Variants in PLCE1 observed in about 807,000 individuals in gnomAD.
The protein encoded by PLCE1 is 1-phosphatidylinositol 4,5-bisphosphate phosphodiesterase epsilon-1.
A neutral mutation model predicts 242.8 loss-of-function variants in PLCE1; 119 were observed. That is an observed-to-expected ratio of 0.49 (90% CI 0.42 to 0.57). The LOEUF (loss-of-function observed/expected upper bound fraction) is 0.57. Ranked by LOEUF, PLCE1 falls within the 20% of genes least tolerant of loss-of-function variation. The pLI, the probability that PLCE1 is intolerant of heterozygous loss-of-function variation, is 0.00. For synonymous variants in PLCE1, 945 were observed against 1,017.4 expected, an observed-to-expected ratio of 0.93 and a Z score of 1.35; for missense variants, 2,441 against 2,788.8, an observed-to-expected ratio of 0.88 and a Z score of 2.81.
intron 23 of PLCE1, among the ~76,000 whole-genome samples, chr10:94,295,404 T>C (rs2052778677): frequency 6.6e-6 from 1 of 152,198 alleles, no homozygotes; most frequent in Non-Finnish European, 1.5e-5. Flanking sequence ...TCCTCATCCA[T>C]TCAAGTTTTA....
intron 31 of PLCE1, 115 bp downstream of exon 31, chr10:94,324,682 G>GAGTT: frequency 9.7e-7 from 1 of 1,028,130 alleles, no homozygotes; most frequent in Non-Finnish European, 1.5e-6. Flanking sequence ...TCAAGGAATG[G>GAGTT]AGTTAGGAGA....
Position 94,298,817 on chromosome 10 carries a change from T to C in PLCE1, c.5458+148T>C. 1.2e-6 allele frequency: 1 copy of C among 849,998 alleles called. No homozygotes were observed. Among genetic ancestry groups the C allele is most frequent in the Non-Finnish European group, 1.9e-6 (1 of 514,602 alleles). The allele number at this position is 849,998 out of a possible 1,614,324, so 52.7% of individuals were successfully genotyped here. Reference sequence around the variant, plus strand: ...TATGATGATGGAAAACAGAAGTGAATTTGATACTGAATTGTGCCTCCGATG... The same window carrying C: ...TATGATGATGGAAAACAGAAGTGAACTTGATACTGAATTGTGCCTCCGATG... On this transcript the variant is annotated intron_variant, in intron 24 of 32. Transcript: ENST00000371380. This position sits in a 1 kb window ranked among gnomAD's most constrained non-coding sequence, Gnocchi z 5.2.
intron 1 of PLCE1, among the ~76,000 whole-genome samples, chr10:94,023,075 G>T (rs1357733817): frequency 2.6e-5 from 4 of 152,138 alleles, no homozygotes; most frequent in Non-Finnish European, 5.9e-5. Context: ...GTGGTGGAAG[G>T]TAGGAAGAGC....
At position 94,042,049 on chromosome 10, in the gene PLCE1, A is replaced by G. The variant is rs542898352; in HGVS notation, c.1206+9797A>G. ...GTCAGGCACTGTGTCTATAATTTGC[A>G]TATAGTAATTTAACAAATTATAAAT... On this transcript the variant is annotated intron_variant, in intron 2 of 32. Transcript: ENST00000371380. 1.1e-3 allele frequency among the ~76,000 whole-genome samples: 166 copies of G among 152,292 alleles called. 1 individual carries two copies. Among genetic ancestry groups the G allele is most frequent in the South Asian group, 9.9e-3 (48 of 4,830 alleles).
At chr10:94,160,380 C>A (rs1444894455) in intron 3 of PLCE1, among the ~76,000 whole-genome samples, 1 of 152,188 alleles carries the variant, frequency 6.6e-6, no homozygotes, top group African/African-American at 2.4e-5. Context: ...TGATGATGAG[C>A]ATTTTTTCAT....
At chr10:94,116,113 T>G (rs566583997) in intron 2 of PLCE1, among the ~76,000 whole-genome samples, 16 of 152,122 alleles carry the variant, frequency 1.1e-4, no homozygotes, top group Non-Finnish European at 2.2e-4. Context: ...CCTTCCTCTC[T>G]CCATCCTTTT....
At chr10:94,094,163 G>A (rs1047481238) in intron 2 of PLCE1, among the ~76,000 whole-genome samples, 3 of 150,984 alleles carry the variant, frequency 2.0e-5, no homozygotes, top group Non-Finnish European at 2.9e-5. Flanking sequence ...GGATGGTCTC[G>A]ATCTCCTGAC....
chr10:94,213,881 G>T (rs954642703), intron 4 of PLCE1, among the ~76,000 whole-genome samples: 2 of 151,946 alleles, frequency 1.3e-5, no homozygotes, highest in Non-Finnish European at 1.5e-5. Context: ...CATATTTATC[G>T]TCCCTTTTAT....
intron 20 of PLCE1, chr10:94,280,759 A>G (rs2052179055): frequency 1.3e-5 from 2 of 152,138 alleles, no homozygotes; most frequent in African/African-American, 4.8e-5. Context: ...CAGACCAGAA[A>G]CCATTTACCA....
intron 1 of PLCE1, among the ~76,000 whole-genome samples, chr10:94,010,317 T>C (rs1020257245): frequency 6.6e-6 from 1 of 152,226 alleles, no homozygotes; most frequent in African/African-American, 2.4e-5. Flanking sequence ...GTCTGGCCTC[T>C]GAAACCATTC....
intron 2 of PLCE1, chr10:94,105,201 C>T (rs1423232835): frequency 6.6e-6 from 1 of 152,170 alleles, no homozygotes; most frequent in Non-Finnish European, 1.5e-5. Flanking sequence ...TGCCTGGGTT[C>T]CTCCAATCAA....
At chr10:94,291,032 G>C (rs1431870211) in intron 22 of PLCE1, among the ~76,000 whole-genome samples, 1 of 152,136 alleles carries the variant, frequency 6.6e-6, no homozygotes, top group East Asian at 1.9e-4. Flanking sequence ...GTTGCTATAT[G>C]GCTAATGACT....
At chr10:94,058,366 C>T (rs2043961339) in intron 2 of PLCE1, among the ~76,000 whole-genome samples, 1 of 152,148 alleles carries the variant, frequency 6.6e-6, no homozygotes, top group Non-Finnish European at 1.5e-5. Flanking sequence ...TGATAACAAC[C>T]TTTCACAAGT....
At chr10:94,197,715 G>A (rs1386069588) in intron 4 of PLCE1, among the ~76,000 whole-genome samples, 3 of 152,174 alleles carry the variant, frequency 2.0e-5, no homozygotes, top group Non-Finnish European at 4.4e-5. Context: ...GGGTGCAGTG[G>A]CTCACGCCTG....
chr10:94,307,868 GTTA>G lies in PLCE1; in HGVS notation c.5885-708_5885-706del, dbSNP rs564579352. On this transcript the variant is annotated intron_variant, in intron 26 of 32. Coordinates refer to ENST00000371380, the MANE Select transcript of PLCE1 (RefSeq NM_016341.4). ...ATAGGGTCGGGGGAGACCCATAACT[GTTA>G]TTATAGAAATGTGAGAAAGTACATA... is the stretch of plus-strand genomic sequence containing the variant. 1.2e-3 allele frequency among the ~76,000 whole-genome samples: 186 copies of G among 152,250 alleles called. 1 individual carries two copies. The highest frequency in any genetic ancestry group is 2.3e-3 in the Non-Finnish European group (155 of 68,002).
chr10:94,207,757 G>T (rs2049207748), intron 4 of PLCE1, among the ~76,000 whole-genome samples: 1 of 152,146 alleles, frequency 6.6e-6, no homozygotes. Flanking sequence ...ATCTTGTTAT[G>T]CCAGAAACAA....
chr10:94,124,080 C>T (rs2046371986), intron 2 of PLCE1, among the ~76,000 whole-genome samples: 1 of 152,112 alleles, frequency 6.6e-6, no homozygotes, highest in Admixed American at 6.5e-5. Context: ...TAATTATACC[C>T]TCCATCTGCC....
intron 23 of PLCE1, among the ~76,000 whole-genome samples, chr10:94,294,922 T>C (rs1188581666): frequency 6.8e-6 from 1 of 146,738 alleles, no homozygotes; most frequent in East Asian, 2.0e-4. Flanking sequence ...TTTTTTTTTT[T>C]TTTTTTTTTT....
At chr10:94,269,790 A>T (rs781279134) in intron 17 of PLCE1, among the ~76,000 whole-genome samples, 1 of 152,192 alleles carries the variant, frequency 6.6e-6, no homozygotes, top group Non-Finnish European at 1.5e-5. Context: ...ACCTAAGAAG[A>T]TTGGTCACCC....
Sources: allele counts gnomAD v4.1 joint callset (sites outside exome capture counted in the v4.1 genomes callset), GRCh38; gene constraint gnomAD v4.1.1; non-coding constraint Gnocchi (gnomAD v3.1); transcripts MANE v1.5; gene names NCBI Gene and HGNC (gene_info 2026-07-23, HGNC 2026-07-21).